DSCAM: variants seen among roughly 807,000 people sequenced by gnomAD.
DSCAM encodes DS cell adhesion molecule.
In DSCAM, 47 loss-of-function variants were observed where a neutral mutation model predicts 217.7. The ratio of observed to expected loss-of-function variants is 0.22; its 90% CI spans 0.17 to 0.28. The LOEUF is 0.28. Among genes scored for constraint, DSCAM ranks in the 10% least tolerant of loss-of-function variants. The probability of loss-of-function intolerance (pLI) is 1.00; values close to 1 mark genes in which losing one functional copy is unlikely to be tolerated. For synonymous variants in DSCAM, 1,056 were observed against 1,015.3 expected (o/e 1.04, Z -0.76); for missense variants, 2,080 against 2,618.3 (o/e 0.79, Z 4.49).
At chr21:40,530,879 G>GTCCATCCA (rs759529131) in intron 3 of DSCAM, among the ~76,000 whole-genome samples, 10 of 147,972 alleles carry the variant, frequency 6.8e-5, no homozygotes, top group African/African-American at 2.3e-4. Flanking sequence ...AGCCCTGCCT[G>GTCCATCCA]TCCATCCATC....
rs749398798 is a variant in DSCAM at position 40,780,411 on chromosome 21, G to GTATATATATATA, written c.43+66207_43+66208insTATATATATATA. The stretch of plus-strand genomic sequence containing the variant: ...TCCAAATATAAACGTGTGTGTGTGT[G>GTATATATATATA]TGTGTGTGTGTGTATATATATATAT... On this transcript the variant is annotated intron_variant, in intron 1 of 32. Transcript: ENST00000400454. Among the ~76,000 whole-genome samples, 694 of 87,800 alleles carry GTATATATATATA rather than the reference G, an allele frequency of 7.9e-3. 12 individuals carry two copies. Among genetic ancestry groups the GTATATATATATA allele is most frequent in the Non-Finnish European group, 0.012 (493 of 39,770 alleles). 57.6% of individuals were successfully genotyped at this position (87,800 alleles called of 152,430 possible).
intron 18 of DSCAM, among the ~76,000 whole-genome samples, chr21:40,139,402 A>C (rs2090261537): frequency 6.6e-6 from 1 of 152,026 alleles, no homozygotes; most frequent in Non-Finnish European, 1.5e-5. Flanking sequence ...AACCTGAAGC[A>C]AAGGCAAGAA....
chr21:40,647,836 A>G (rs2146353233), intron 3 of DSCAM, among the ~76,000 whole-genome samples: 1 of 152,326 alleles, frequency 6.6e-6, no homozygotes, highest in South Asian at 2.1e-4. Flanking sequence ...TGCATGAAAA[A>G]TAAGACACCC....
At chr21:40,080,043 A>G (rs376264645) in intron 25 of DSCAM, 109 bp downstream of exon 25, 1 of 1,075,034 alleles carries the variant, frequency 9.3e-7, no homozygotes, top group East Asian at 2.8e-5. Context: ...GAGGAATGAC[A>G]AAGTTCAAAC....
chr21:40,572,278 C>T (rs1043573690), intron 3 of DSCAM, among the ~76,000 whole-genome samples: 3 of 151,840 alleles, frequency 2.0e-5, no homozygotes, highest in Non-Finnish European at 4.4e-5. Flanking sequence ...GAAAATTAGA[C>T]TATGATAGTT....
intron 11 of DSCAM, among the ~76,000 whole-genome samples, chr21:40,222,355 T>A (rs2091295574): frequency 6.6e-6 from 1 of 152,184 alleles, no homozygotes; most frequent in Non-Finnish European, 1.5e-5. Flanking sequence ...GTGTAAAAGA[T>A]CCAGAAACAC....
chr21:40,096,197 G>T (rs1211951237), intron 20 of DSCAM, among the ~76,000 whole-genome samples: 1 of 152,242 alleles, frequency 6.6e-6, no homozygotes, highest in Non-Finnish European at 1.5e-5. Flanking sequence ...TATCTACCTA[G>T]GACCTAGAAG....
chr21:40,661,027 A>G (rs2090133651), intron 3 of DSCAM, among the ~76,000 whole-genome samples: 1 of 152,144 alleles, frequency 6.6e-6, no homozygotes, highest in Non-Finnish European at 1.5e-5. Flanking sequence ...CTCTGATTAC[A>G]TTTGAACACC....
intron 3 of DSCAM, among the ~76,000 whole-genome samples, chr21:40,535,220 T>G (rs1249552486): frequency 6.6e-6 from 1 of 152,190 alleles, no homozygotes; most frequent in East Asian, 1.9e-4. Flanking sequence ...TTTAAAGTCT[T>G]AGAACAGTGC....
intron 3 of DSCAM, among the ~76,000 whole-genome samples, chr21:40,647,627 A>C (rs542304483): frequency 3.0e-4 from 46 of 152,334 alleles, no homozygotes; most frequent in Admixed American, 4.6e-4. Context: ...TATAAGACAA[A>C]ATCTTTGGTG....
intron 1 of DSCAM, among the ~76,000 whole-genome samples, chr21:40,773,527 A>C (rs1315453214): frequency 6.6e-6 from 1 of 152,198 alleles, no homozygotes; most frequent in African/African-American, 2.4e-5. Context: ...ACTTAATTAC[A>C]TCTGCAAATA....
intron 3 of DSCAM, among the ~76,000 whole-genome samples, chr21:40,386,706 T>C (rs2075089116): frequency 6.6e-6 from 1 of 152,242 alleles, no homozygotes; most frequent in Non-Finnish European, 1.5e-5. Context: ...TGGGTTTTGA[T>C]AGAAACTCGT....
At chr21:40,348,015 G>A (rs2074578682) in intron 5 of DSCAM, 70 bp from the exon 6 acceptor site, 1 of 1,501,260 alleles carries the variant, frequency 6.7e-7, no homozygotes, top group African/African-American at 1.4e-5. Context: ...ACAACAGGCT[G>A]GACTTTCAAC....
chr21:40,551,431 GTTC>G (rs766519732), intron 3 of DSCAM, among the ~76,000 whole-genome samples: 1 of 152,172 alleles, frequency 6.6e-6, no homozygotes, highest in Non-Finnish European at 1.5e-5. Flanking sequence ...GGAGACTGAG[GTTC>G]TTATTATGTA....
intron 3 of DSCAM, among the ~76,000 whole-genome samples, chr21:40,474,142 A>T (rs1462944697): frequency 6.6e-6 from 1 of 151,896 alleles, no homozygotes; most frequent in Non-Finnish European, 1.5e-5. Context: ...AAAATACAAC[A>T]ATTAGCTGGG....
chr21:40,168,910 C>G (rs1025195899), intron 15 of DSCAM, among the ~76,000 whole-genome samples: 2 of 152,122 alleles, frequency 1.3e-5, no homozygotes, highest in African/African-American at 2.4e-5. Flanking sequence ...CCATTTCTCT[C>G]TATATATAAT....
chr21:40,816,376 C>T (rs1054628357), intron 1 of DSCAM, among the ~76,000 whole-genome samples: 1 of 152,028 alleles, frequency 6.6e-6, no homozygotes, highest in African/African-American at 2.4e-5. Flanking sequence ...GTCAGGAGTT[C>T]GAGACCAGCC....
intron 3 of DSCAM, among the ~76,000 whole-genome samples, chr21:40,653,912 T>C (rs1046296511): frequency 6.6e-6 from 1 of 151,896 alleles, no homozygotes; most frequent in Non-Finnish European, 1.5e-5. Flanking sequence ...CTGGGCAACA[T>C]GGTGAAACCC....
At chr21:40,087,670 G>A (rs1601317196) in intron 21 of DSCAM, among the ~76,000 whole-genome samples, 1 of 152,176 alleles carries the variant, frequency 6.6e-6, no homozygotes, top group Admixed American at 6.5e-5. Flanking sequence ...ATCAGAGAAA[G>A]TAGACAATAC....
Sources: gnomAD v4.1 joint callset for allele counts (sites outside exome capture counted in the v4.1 genomes callset) on GRCh38, gnomAD v4.1.1 for gene constraint, MANE v1.5 for transcripts, NCBI Gene and HGNC (gene_info 2026-07-23, HGNC 2026-07-21) for gene names.